The following DYNLT2B variants were observed in gnomAD, a reference collection of about 807,000 sequenced individuals.
DYNLT2B encodes dynein light chain Tctex-type protein 2B.
A neutral mutation model predicts 19.5 loss-of-function variants in DYNLT2B; 14 were observed. The observed-to-expected ratio is 0.72, with a 90% CI of 0.47 to 1.12. DYNLT2B has a LOEUF of 1.12. Ranked by LOEUF, DYNLT2B falls within the 50% of genes most tolerant of loss-of-function variation. The pLI, the probability that DYNLT2B is intolerant of heterozygous loss-of-function variation, is 0.00. For synonymous variants in DYNLT2B, 70 were observed against 59.7 expected (o/e 1.17, Z -0.79); for missense variants, 133 against 174.7 (o/e 0.76, Z 1.35).
intron 1 of DYNLT2B, among the ~76,000 whole-genome samples, chr3:196,316,626 C>A (rs1325489993): frequency 6.6e-6 from 1 of 151,972 alleles, no homozygotes; most frequent in East Asian, 1.9e-4. Flanking sequence ...GCATTCAGAA[C>A]CTTTTACCAA....
chr3:196,315,897 G>A (rs756740861), intron 2 of DYNLT2B, among the ~76,000 whole-genome samples: 1 of 152,010 alleles, frequency 6.6e-6, no homozygotes, highest in Non-Finnish European at 1.5e-5. Flanking sequence ...TAGACATGAG[G>A]CCTCACCATG....
At chr3:196,296,198 G>A (rs575828047) in intron 3 of DYNLT2B, 129 bp from the exon 4 acceptor site, 5 of 763,548 alleles carry the variant, frequency 6.5e-6, no homozygotes, top group Non-Finnish European at 1.1e-5. Flanking sequence ...TCACAGGTAG[G>A]TACCCACAGA....
At chr3:196,295,443 G>A (rs986649134) in intron 4 of DYNLT2B, among the ~76,000 whole-genome samples, 3 of 152,184 alleles carry the variant, frequency 2.0e-5, no homozygotes, top group African/African-American at 4.8e-5. Context: ...TTATAGGCAT[G>A]AGCCACCGCG....
Position 196,306,237 on chromosome 3 carries a change from C to T in DYNLT2B, c.317+706G>A, listed in dbSNP as rs548767066. ...GACCAGACTGGCCAACAGAGTGTGA[C>T]CCATCTCTGCAAAAAAAAAAAAAAA... On this transcript the variant is annotated intron_variant, in intron 3 of 4. Transcript: ENST00000325318. Among the ~76,000 whole-genome samples the T allele has an allele frequency of 2.2e-4, 31 of 142,480 alleles. 1 individual carries two copies. Among genetic ancestry groups the T allele is most frequent in the African/African-American group, 6.7e-4 (26 of 38,884 alleles). 93.5% of individuals were successfully genotyped at this position (142,480 alleles called of 152,430 possible).
intron 4 of DYNLT2B, among the ~76,000 whole-genome samples, chr3:196,295,413 G>T (rs1393855443): frequency 6.6e-6 from 1 of 152,134 alleles, no homozygotes. Context: ...CGCCCTCCTT[G>T]GCCTCCCAAA....
intron 2 of DYNLT2B, among the ~76,000 whole-genome samples, chr3:196,308,786 G>C (rs1408835826): frequency 6.6e-6 from 1 of 152,180 alleles, no homozygotes; most frequent in African/African-American, 2.4e-5. Flanking sequence ...ACACAACTCA[G>C]CTGAGCTTCC....
At chr3:196,317,620 C>G (rs972407073) in intron 1 of DYNLT2B, among the ~76,000 whole-genome samples, 2 of 152,152 alleles carry the variant, frequency 1.3e-5, no homozygotes, top group African/African-American at 4.8e-5. Context: ...GGTAGGACTT[C>G]GCACAGATGC....
At chr3:196,305,835 G>A (rs1726470753) in intron 3 of DYNLT2B, 1 of 153,712 alleles carries the variant, frequency 6.5e-6, no homozygotes, top group African/African-American at 2.4e-5. Context: ...AAAGAAGAAA[G>A]AGAGAAATGA....
intron 4 of DYNLT2B, chr3:196,292,559 A>G (rs752060146): frequency 1.6e-4 from 25 of 152,268 alleles, no homozygotes; most frequent in Admixed American, 3.3e-4. Context: ...TACAGCCCCA[A>G]TTTTTTTCTT....
chr3:196,292,796 G>T (rs531980644), intron 4 of DYNLT2B, among the ~76,000 whole-genome samples: 21 of 152,150 alleles, frequency 1.4e-4, no homozygotes, highest in African/African-American at 5.1e-4. Flanking sequence ...AATACCACAT[G>T]ATTTTCCCTC....
chr3:196,305,180 G>A (rs1222830917), intron 3 of DYNLT2B, among the ~76,000 whole-genome samples: 2 of 152,000 alleles, frequency 1.3e-5, no homozygotes, highest in Non-Finnish European at 2.9e-5. Context: ...CACCACGCCC[G>A]GCCCTGATGG....
intron 3 of DYNLT2B, among the ~76,000 whole-genome samples, chr3:196,299,394 T>C: frequency 6.6e-6 from 1 of 151,860 alleles, no homozygotes; most frequent in East Asian, 2.0e-4. Context: ...CCTAATTTTT[T>C]GTATTTTTGG....
chr3:196,317,182 T>TTG (rs1196484985), intron 1 of DYNLT2B, among the ~76,000 whole-genome samples: 38 of 48,410 alleles, frequency 7.8e-4, no homozygotes, highest in Non-Finnish European at 1.1e-3. Flanking sequence ...TGTGTGTGTG[T>TTG]TGTGTGTGTG....
intron 2 of DYNLT2B, among the ~76,000 whole-genome samples, chr3:196,307,518 G>A (rs1048818324): frequency 2.0e-5 from 3 of 152,004 alleles, no homozygotes; most frequent in Admixed American, 2.0e-4. Flanking sequence ...GCCCAGGCTG[G>A]TCTCGAACTC....
chr3:196,310,932 C>T (rs1255367492), intron 2 of DYNLT2B, among the ~76,000 whole-genome samples: 1 of 151,960 alleles, frequency 6.6e-6, no homozygotes, highest in Non-Finnish European at 1.5e-5. Context: ...GACGAGGTTT[C>T]ACCATGTTGC....
chr3:196,316,612 C>G (rs1726802083), intron 1 of DYNLT2B, among the ~76,000 whole-genome samples: 1 of 152,130 alleles, frequency 6.6e-6, no homozygotes, highest in African/African-American at 2.4e-5. Context: ...GAATGGCATT[C>G]TGGGCATTCA....
At chr3:196,317,919 C>T in intron 1 of DYNLT2B, 121 bp downstream of exon 1, 2 of 441,750 alleles carry the variant, frequency 4.5e-6, no homozygotes, top group Non-Finnish European at 7.2e-6. Context: ...GGCCTCCCGC[C>T]TCCCGCCCCG....
chr3:196,292,892 C>T (rs1202361886), intron 4 of DYNLT2B, among the ~76,000 whole-genome samples: 7 of 152,160 alleles, frequency 4.6e-5, no homozygotes, highest in African/African-American at 1.7e-4. Context: ...CTTGCCCTCT[C>T]GCCCAGGCTG....
Position 196,291,328 on chromosome 3 carries a change from CA to C in DYNLT2B, c.427del (p.Ter143GlufsTer2), listed in dbSNP as rs1455189629. 6.2e-7 allele frequency: 1 copy of C among 1,609,192 alleles called. No individual in the cohort carries two copies. The highest frequency in any genetic ancestry group is 2.2e-5 in the East Asian group (1 of 44,712). The part of the protein sequence containing the change: ...VVAAFGCFYY[*>X] ...TTTACCAGCTTTTCAAAGATTCATT[CA>C]GTAGTAGAAACAGCCAAATGCTGCT... is the stretch of plus-strand genomic sequence containing the variant. On this transcript the variant is annotated frameshift_variant and stop_lost, in exon 5 of 5. Coordinates refer to ENST00000325318, the MANE Select transcript of DYNLT2B (RefSeq NM_152773.5). LOFTEE classifies it high-confidence loss of function.
Sources: gnomAD v4.1 joint callset for allele counts (sites outside exome capture counted in the v4.1 genomes callset) on GRCh38, gnomAD v4.1.1 for gene constraint, MANE v1.5 for transcripts, NCBI Gene and HGNC (gene_info 2026-07-23, HGNC 2026-07-21) for gene names.